Variants in MNAT1 observed in about 807,000 individuals in gnomAD.
MNAT1 encodes MNAT1 component of CDK activating kinase.
MNAT1 carries 43 observed loss-of-function variants against 42.0 expected under a neutral mutation model. That is an observed-to-expected ratio of 1.02 (90% CI 0.80 to 1.32). The LOEUF is 1.32. Among genes scored for constraint, MNAT1 ranks in the 40% most tolerant of loss-of-function variants. The probability of loss-of-function intolerance (pLI) is 0.00; values close to 1 mark genes in which losing one functional copy is unlikely to be tolerated. For missense variants in MNAT1, 306 were observed against 350.4 expected, an observed-to-expected ratio of 0.87 and a Z score of 1.01; for synonymous variants, 118 against 120.0, an observed-to-expected ratio of 0.98 and a Z score of 0.11.
At chr14:60,839,626 A>G (rs2033489829) in intron 6 of MNAT1, among the ~76,000 whole-genome samples, 1 of 152,242 alleles carries the variant, frequency 6.6e-6, no homozygotes, top group Non-Finnish European at 1.5e-5. Context: ...CAGGAAACCC[A>G]GACCTAGGAG....
intron 6 of MNAT1, among the ~76,000 whole-genome samples, chr14:60,873,540 C>T (rs1202051064): frequency 6.6e-6 from 1 of 152,128 alleles, no homozygotes; most frequent in Admixed American, 6.5e-5. Context: ...ACAATCACAG[C>T]TCACTGCAGC....
At chr14:60,845,674 A>G (rs1328040724) in intron 6 of MNAT1, among the ~76,000 whole-genome samples, 1 of 152,076 alleles carries the variant, frequency 6.6e-6, no homozygotes, top group Admixed American at 6.6e-5. Context: ...GTGATAGTTG[A>G]TAGTTACTTC....
chr14:60,873,968 A>G (rs1001056758), intron 6 of MNAT1, among the ~76,000 whole-genome samples: 6 of 152,176 alleles, frequency 3.9e-5, no homozygotes, highest in African/African-American at 1.4e-4. Context: ...ACTGTGATGA[A>G]CAGACATGAA....
chr14:60,920,475 A>G (rs558560274), intron 7 of MNAT1, among the ~76,000 whole-genome samples: 1 of 152,180 alleles, frequency 6.6e-6, no homozygotes, highest in Non-Finnish European at 1.5e-5. Flanking sequence ...GCTGGAGTGC[A>G]GTGGCGCGAT....
chr14:60,940,042 C>T (rs2036107029), intron 7 of MNAT1, among the ~76,000 whole-genome samples: 1 of 152,172 alleles, frequency 6.6e-6, no homozygotes, highest in South Asian at 2.1e-4. Context: ...TTATGAGAGA[C>T]TAGGATCGCA....
chr14:60,764,492 T>A (rs2030733842), intron 1 of MNAT1, among the ~76,000 whole-genome samples: 1 of 152,156 alleles, frequency 6.6e-6, no homozygotes, highest in Non-Finnish European at 1.5e-5. Context: ...GAACCCATAC[T>A]TTTGGTCCCT....
intron 7 of MNAT1, among the ~76,000 whole-genome samples, chr14:60,948,201 C>T (rs572006709): frequency 6.0e-4 from 92 of 152,180 alleles, no homozygotes; most frequent in South Asian, 2.5e-3. Flanking sequence ...AAGGCCAAGG[C>T]GGGAGAATTT....
At chr14:60,802,544 A>G (rs998552938) in intron 3 of MNAT1, among the ~76,000 whole-genome samples, 3 of 152,188 alleles carry the variant, frequency 2.0e-5, no homozygotes, top group Admixed American at 6.5e-5. Context: ...GATACTAAAG[A>G]GTGAGAAATG....
intron 1 of MNAT1, among the ~76,000 whole-genome samples, chr14:60,738,444 C>T (rs1189948691): frequency 1.3e-5 from 2 of 151,718 alleles, no homozygotes; most frequent in Non-Finnish European, 1.5e-5. Context: ...TTAGTAGAGA[C>T]GGGGTTTCAC....
At chr14:60,847,540 G>C (rs1229353833) in intron 6 of MNAT1, among the ~76,000 whole-genome samples, 3 of 152,036 alleles carry the variant, frequency 2.0e-5, no homozygotes, top group Non-Finnish European at 4.4e-5. Flanking sequence ...ATGTGTGCTG[G>C]ATGTTTTTCA....
At chr14:60,865,463 T>A (rs1006042743) in intron 6 of MNAT1, among the ~76,000 whole-genome samples, 1 of 152,114 alleles carries the variant, frequency 6.6e-6, no homozygotes, top group Admixed American at 6.6e-5. Flanking sequence ...GCGAATACTG[T>A]TTTTCTTAAA....
At chr14:60,957,002 G>A (rs2036498738) in intron 7 of MNAT1, among the ~76,000 whole-genome samples, 1 of 152,032 alleles carries the variant, frequency 6.6e-6, no homozygotes, top group East Asian at 1.9e-4. Flanking sequence ...ATGATTGATA[G>A]GTAAAGATTT....
chr14:60,765,370 C>A (rs546340885), intron 1 of MNAT1, among the ~76,000 whole-genome samples: 1 of 152,026 alleles, frequency 6.6e-6, no homozygotes, highest in Admixed American at 6.6e-5. Flanking sequence ...TGGGGCCTGT[C>A]GGTGGGTTGG....
chr14:60,886,221 T>G (rs2034666261), intron 7 of MNAT1, among the ~76,000 whole-genome samples: 1 of 152,012 alleles, frequency 6.6e-6, no homozygotes, highest in Admixed American at 6.6e-5. Flanking sequence ...GGCTGTTTTG[T>G]TTTTTGTGGG....
At chr14:60,898,842 C>T (rs1199146321) in intron 7 of MNAT1, among the ~76,000 whole-genome samples, 1 of 152,082 alleles carries the variant, frequency 6.6e-6, no homozygotes, top group Non-Finnish European at 1.5e-5. Flanking sequence ...AAACCAATGT[C>T]CTCAAGTGTT....
At chr14:60,913,325 C>G (rs2035429358) in intron 7 of MNAT1, among the ~76,000 whole-genome samples, 1 of 152,184 alleles carries the variant, frequency 6.6e-6, no homozygotes, top group African/African-American at 2.4e-5. Flanking sequence ...CCTCTCTCAA[C>G]TCGTCAAAGT....
chr14:60,790,491 C>G (rs964775814), intron 1 of MNAT1, among the ~76,000 whole-genome samples: 10 of 152,154 alleles, frequency 6.6e-5, no homozygotes, highest in African/African-American at 2.4e-4. Flanking sequence ...CTACTTCTAA[C>G]CTGGAAGCCC....
chr14:60,776,681 C>T lies in MNAT1; in HGVS notation c.90-19536C>T, dbSNP rs372348383. Among the ~76,000 whole-genome samples the T allele has an allele frequency of 1.2e-4, 18 of 152,086 alleles. No individual in the cohort carries two copies. In the South Asian group the frequency reaches 1.5e-3, roughly 12 times the overall value. ...GTGTCTGCAATATGAGTATGTATTA[C>T]GTATTGAGAATACTTTGGATCATAT... On this transcript the variant is annotated intron_variant, in intron 1 of 7. Transcript: ENST00000261245.
chr14:60,929,148 CAAAAAAAAAAA>C (rs550828218), intron 7 of MNAT1, among the ~76,000 whole-genome samples: 1 of 56,082 alleles, frequency 1.8e-5, no homozygotes, highest in African/African-American at 6.8e-5. Context: ...CTCCATCTCC[CAAAAAAAAAAA>C]AAAAAAAAAA....
Sources: allele counts gnomAD v4.1 joint callset (sites outside exome capture counted in the v4.1 genomes callset), GRCh38; gene constraint gnomAD v4.1.1; transcripts MANE v1.5; gene names NCBI Gene and HGNC (gene_info 2026-07-23, HGNC 2026-07-21).